The following ACTR3C variants were observed in gnomAD, a reference collection of about 807,000 sequenced individuals.
The protein encoded by ACTR3C is actin related protein 3C, also known as actin-related protein 3C.
ACTR3C carries 18 observed loss-of-function variants against 26.3 expected under a neutral mutation model. That is an observed-to-expected ratio of 0.68 (90% CI 0.47 to 1.01). ACTR3C has a LOEUF of 1.01. Among genes scored for constraint, ACTR3C ranks in the 50% least tolerant of loss-of-function variants. ACTR3C has a pLI of 0.00. For synonymous variants in ACTR3C, 55 were observed against 94.5 expected (o/e 0.58, Z 2.42); for missense variants, 184 against 250.7 (o/e 0.73, Z 1.80).
chr7:150,216,586 C>T, the ACTR3C span, among the ~76,000 whole-genome samples: 8 of 152,210 alleles, frequency 5.3e-5, no homozygotes, highest in East Asian at 1.4e-3. Context: ...ACCAAGTTAC[C>T]ATTTGTCTCA....
chr7:149,988,697 C>T, the ACTR3C span, among the ~76,000 whole-genome samples: 1 of 152,196 alleles, frequency 6.6e-6, no homozygotes, highest in Non-Finnish European at 1.5e-5. Context: ...TGAGAGAACC[C>T]TCAGCACCCT....
intron 1 of ACTR3C, 119 bp from the exon 2 acceptor site, chr7:150,295,466 T>C: frequency 8.9e-7 from 1 of 1,118,788 alleles, no homozygotes; most frequent in Non-Finnish European, 1.3e-6. Flanking sequence ...TCCCTAATTT[T>C]ACAGACAGAG....
At chr7:150,316,015 T>C (rs1796845221) in intron 1 of ACTR3C, among the ~76,000 whole-genome samples, 1 of 152,198 alleles carries the variant, frequency 6.6e-6, no homozygotes, top group South Asian at 2.1e-4. Flanking sequence ...CTGACCAACA[T>C]GGAGAAACCC....
chr7:150,116,214 GCAGAA>G, the ACTR3C span, among the ~76,000 whole-genome samples: 1 of 152,296 alleles, frequency 6.6e-6, no homozygotes, highest in East Asian at 1.9e-4. Flanking sequence ...GCAAAACTCA[GCAGAA>G]CAGGAGTCTG....
chr7:149,971,543 A>C, the ACTR3C span, among the ~76,000 whole-genome samples: 2 of 152,242 alleles, frequency 1.3e-5, no homozygotes. Flanking sequence ...AAAGGAACAT[A>C]ATTTAATATA....
the ACTR3C span, among the ~76,000 whole-genome samples, chr7:150,120,213 A>C: frequency 6.6e-6 from 1 of 152,232 alleles, no homozygotes; most frequent in Non-Finnish European, 1.5e-5. Flanking sequence ...AAGCTAGCAG[A>C]AGAGAGTAAA....
intron 6 of ACTR3C, among the ~76,000 whole-genome samples, chr7:150,258,116 G>GA (rs199583243): frequency 0.016 from 2,461 of 151,936 alleles, 51 homozygotes; most frequent in African/African-American, 0.056. Context: ...CTATAACTAG[G>GA]AAAAAAAGTT....
the ACTR3C span, among the ~76,000 whole-genome samples, chr7:150,183,696 C>CAAAAAAAA: frequency 6.2e-5 from 3 of 48,040 alleles, no homozygotes; most frequent in African/African-American, 1.4e-4. Context: ...GTGGCTATGG[C>CAAAAAAAA]AAAAAAAAAA....
At chr7:150,082,933 T>C in the ACTR3C span, among the ~76,000 whole-genome samples, 1 of 135,490 alleles carries the variant, frequency 7.4e-6, no homozygotes, top group African/African-American at 2.9e-5. Context: ...TTCTTTTTTT[T>C]CTTTTTTTTT....
chr7:150,156,681 T>C, the ACTR3C span, among the ~76,000 whole-genome samples: 1 of 152,196 alleles, frequency 6.6e-6, no homozygotes, highest in East Asian at 1.9e-4. Context: ...TAAATTTCCA[T>C]TGATTCTGGA....
the ACTR3C span, among the ~76,000 whole-genome samples, chr7:150,159,593 C>G: frequency 2.0e-5 from 3 of 152,108 alleles, no homozygotes; most frequent in Non-Finnish European, 1.5e-5. Flanking sequence ...ACATTCCACC[C>G]GAGCCCCGCC....
chr7:150,297,648 T>C (rs1795024825), intron 1 of ACTR3C, among the ~76,000 whole-genome samples: 1 of 152,208 alleles, frequency 6.6e-6, no homozygotes, highest in African/African-American at 2.4e-5. Flanking sequence ...GGTCAGGAGT[T>C]TGAGACCAGC....
chr7:150,252,184 C>G (rs982448406), intron 6 of ACTR3C, among the ~76,000 whole-genome samples: 14 of 151,844 alleles, frequency 9.2e-5, no homozygotes, highest in African/African-American at 3.1e-4. Context: ...AAAGAAAATA[C>G]ATACACTAAT....
chr7:150,262,463 A>C (rs558017182), intron 6 of ACTR3C, among the ~76,000 whole-genome samples: 9 of 152,378 alleles, frequency 5.9e-5, no homozygotes, highest in African/African-American at 1.9e-4. Flanking sequence ...AGTACTGATA[A>C]ATTTACAAAC....
chr7:149,993,582 G>C, the ACTR3C span, among the ~76,000 whole-genome samples: 7 of 152,038 alleles, frequency 4.6e-5, no homozygotes, highest in Non-Finnish European at 7.4e-5. Context: ...AGAAGGAAGA[G>C]GCTTGCTGAG....
chr7:149,904,660 A>G, the ACTR3C span, among the ~76,000 whole-genome samples: 1 of 146,494 alleles, frequency 6.8e-6, no homozygotes, highest in Non-Finnish European at 1.5e-5. Flanking sequence ...CGTATCCACG[A>G]AAGTCAAATT....
chr7:150,109,586 G>A, the ACTR3C span, among the ~76,000 whole-genome samples: 2 of 149,286 alleles, frequency 1.3e-5, no homozygotes. Flanking sequence ...TACGGCATAA[G>A]GGAGCATTTC....
chr7:149,967,416 C>T, the ACTR3C span, among the ~76,000 whole-genome samples: 1 of 152,172 alleles, frequency 6.6e-6, no homozygotes. Flanking sequence ...AAGCAATCCG[C>T]CTGTCTCAGC....
the ACTR3C span, among the ~76,000 whole-genome samples, chr7:150,221,154 C>A: frequency 6.6e-6 from 1 of 152,240 alleles, no homozygotes; most frequent in Admixed American, 6.5e-5. Context: ...CGCGGAGGCC[C>A]GGTCGGTGCC....
Sources: gnomAD v4.1 joint callset for allele counts (sites outside exome capture counted in the v4.1 genomes callset) on GRCh38, gnomAD v4.1.1 for gene constraint, MANE v1.5 for transcripts, NCBI Gene and HGNC (gene_info 2026-07-23, HGNC 2026-07-21) for gene names.